The following SBF2 variants were observed in gnomAD, a reference collection of about 807,000 sequenced individuals.
SBF2 encodes myotubularin-related protein 13.
Under a neutral mutation model 225.2 loss-of-function variants are expected in SBF2, and 112 were observed. The ratio of observed to expected loss-of-function variants is 0.50; its 90% CI spans 0.43 to 0.58. SBF2 has a LOEUF of 0.58. Among genes scored for constraint, SBF2 ranks in the 20% least tolerant of loss-of-function variants. The pLI, the probability that SBF2 is intolerant of heterozygous loss-of-function variation, is 0.00. For synonymous variants in SBF2, 763 were observed against 773.3 expected (o/e 0.99, Z 0.22); for missense variants, 1,996 against 2,206.2 (o/e 0.90, Z 1.91).
At chr11:9,993,257 C>T (rs1394480077) in intron 10 of SBF2, among the ~76,000 whole-genome samples, 154 bp from the exon 11 acceptor site, 1 of 152,122 alleles carries the variant, frequency 6.6e-6, no homozygotes, top group African/African-American at 2.4e-5. Flanking sequence ...GAAGAAAAAA[C>T]TCTCAAGATT....
At chr11:10,117,285 A>G (rs765955855) in intron 2 of SBF2, among the ~76,000 whole-genome samples, 13 of 151,988 alleles carry the variant, frequency 8.6e-5, no homozygotes, top group Non-Finnish European at 1.6e-4. Flanking sequence ...TACTAAAAAT[A>G]CAAAAATTAG....
At chr11:10,252,090 G>T (rs1456380530) in intron 1 of SBF2, among the ~76,000 whole-genome samples, 1 of 152,244 alleles carries the variant, frequency 6.6e-6, no homozygotes, top group African/African-American at 2.4e-5. Context: ...AACAGACCAG[G>T]TTCTGTTTGC....
At chr11:10,230,261 T>C (rs890896964) in intron 1 of SBF2, among the ~76,000 whole-genome samples, 1 of 152,188 alleles carries the variant, frequency 6.6e-6, no homozygotes, top group African/African-American at 2.4e-5. Flanking sequence ...TGACTCTTTA[T>C]CCAATTTGCC....
chr11:9,995,556 C>T (rs1010868476), intron 9 of SBF2, among the ~76,000 whole-genome samples: 6 of 152,176 alleles, frequency 3.9e-5, no homozygotes, highest in Non-Finnish European at 5.9e-5. Flanking sequence ...AGCTTATATA[C>T]TTGTGTGTCA....
chr11:9,792,200 C>T (rs1209852362), intron 33 of SBF2, among the ~76,000 whole-genome samples: 2 of 151,964 alleles, frequency 1.3e-5, no homozygotes, highest in Admixed American at 6.6e-5. Flanking sequence ...GGGAGGCTGA[C>T]GTGGGCGGAT....
At chr11:9,792,724 A>G (rs1564857861) in intron 33 of SBF2, among the ~76,000 whole-genome samples, 2 of 151,316 alleles carry the variant, frequency 1.3e-5, no homozygotes, top group South Asian at 2.1e-4. Flanking sequence ...GGCTTCGGCA[A>G]TGACATTCTA....
At chr11:9,948,317 GA>G (rs1437371281) in intron 16 of SBF2, among the ~76,000 whole-genome samples, 1 of 151,926 alleles carries the variant, frequency 6.6e-6, no homozygotes, top group Admixed American at 6.6e-5. Flanking sequence ...TGGGAAGATG[GA>G]AAAAGTTATG....
chr11:10,132,941 G>C (rs1455494965), intron 2 of SBF2, among the ~76,000 whole-genome samples: 1 of 149,204 alleles, frequency 6.7e-6, no homozygotes, highest in Non-Finnish European at 1.5e-5. Context: ...CCCCACCAGA[G>C]AAGCTAGGTA....
rs778974789 is a variant in SBF2 at position 9,839,552 on chromosome 11, C to G, written c.3401G>C (p.Arg1134Thr). The G allele has an allele frequency of 6.2e-7, 1 of 1,614,160 alleles. No individual in the cohort carries two copies. Among genetic ancestry groups the G allele is most frequent in the Non-Finnish European group, 8.5e-7 (1 of 1,180,036 alleles). The change falls in exon 26 of 40, where the codon AGA becomes ACA. Residue 1134 changes from arginine to threonine, a missense_variant. Physicochemically the swap from Arg to Thr is moderately conservative, Grantham distance 71 (BLOSUM62 -1). Transcript: ENST00000256190. Reference protein sequence around the residue: ...GTISGSSSRSRPEYFRITASN... With the variant: ...GTISGSSSRSTPEYFRITASN... The stretch of plus-strand genomic sequence containing the variant: ...GGCAGTAATTCTAAAATACTCGGGT[C>G]TTGAACGGGAAGAGCTGCCACTTAT...
intron 2 of SBF2, among the ~76,000 whole-genome samples, chr11:10,116,162 C>T (rs958188360): frequency 4.6e-5 from 7 of 152,216 alleles, no homozygotes; most frequent in Non-Finnish European, 1.0e-4. Context: ...GAGCGAGACT[C>T]CCTCTCAAAA....
chr11:9,991,484 C>T (rs1175539109), intron 12 of SBF2, among the ~76,000 whole-genome samples: 1 of 152,154 alleles, frequency 6.6e-6, no homozygotes. Flanking sequence ...AACATGATCA[C>T]TGCCACGATT....
chr11:10,277,889 C>T (rs1963091118), intron 1 of SBF2, among the ~76,000 whole-genome samples: 1 of 152,178 alleles, frequency 6.6e-6, no homozygotes. Flanking sequence ...TAACTTCAGA[C>T]TTCTAGTCTC....
intron 33 of SBF2, among the ~76,000 whole-genome samples, chr11:9,792,053 T>C (rs1321902644): frequency 6.6e-6 from 1 of 152,196 alleles, no homozygotes; most frequent in East Asian, 1.9e-4. Flanking sequence ...TATAACCCTA[T>C]AATCCAGTAT....
intron 2 of SBF2, among the ~76,000 whole-genome samples, chr11:10,071,089 A>C (rs1008930780): frequency 3.3e-5 from 5 of 152,086 alleles, no homozygotes; most frequent in Admixed American, 3.3e-4. Context: ...CTAAATATAC[A>C]ATATTGTAAT....
intron 24 of SBF2, 114 bp from the exon 25 acceptor site, chr11:9,842,884 C>G: frequency 1.0e-6 from 1 of 1,000,056 alleles, no homozygotes; most frequent in Non-Finnish European, 1.5e-6. Flanking sequence ...CACTACTGGT[C>G]CAGACTCTTG....
intron 1 of SBF2, among the ~76,000 whole-genome samples, chr11:10,223,773 A>C (rs1958437766): frequency 6.6e-6 from 1 of 152,054 alleles, no homozygotes; most frequent in Non-Finnish European, 1.5e-5. Flanking sequence ...AGAATTTTTA[A>C]CTATCGTATC....
intron 1 of SBF2, among the ~76,000 whole-genome samples, chr11:10,248,064 T>C (rs780565016): frequency 6.6e-6 from 1 of 152,220 alleles, no homozygotes; most frequent in Non-Finnish European, 1.5e-5. Context: ...GCTGCTTCTT[T>C]GACTTTTAAA....
chr11:9,891,332 A>G (rs903680665), intron 17 of SBF2, among the ~76,000 whole-genome samples: 1 of 152,208 alleles, frequency 6.6e-6, no homozygotes, highest in African/African-American at 2.4e-5. Context: ...ACATATTCTC[A>G]GTATACACTC....
chr11:10,162,853 T>A (rs955527755), intron 2 of SBF2, among the ~76,000 whole-genome samples: 1 of 152,206 alleles, frequency 6.6e-6, no homozygotes, highest in Non-Finnish European at 1.5e-5. Context: ...GTTCTGTTTA[T>A]ATGTGGGGCT....
Sources: gnomAD v4.1 joint callset for allele counts (sites outside exome capture counted in the v4.1 genomes callset) on GRCh38, gnomAD v4.1.1 for gene constraint, MANE v1.5 for transcripts, NCBI Gene and HGNC (gene_info 2026-07-23, HGNC 2026-07-21) for gene names.